MBNL1: variants seen among roughly 807,000 people sequenced by gnomAD.
MBNL1 encodes muscleblind-like protein 1.
In MBNL1, 8 loss-of-function variants were observed where a neutral mutation model predicts 42.2. The observed-to-expected ratio is 0.19, with a 90% confidence interval of 0.11 to 0.34. The LOEUF is 0.34. MBNL1 is among the 10% of genes least tolerant of loss of function. MBNL1 has a pLI of 1.00. For synonymous variants in MBNL1, 169 were observed against 173.9 expected, an observed-to-expected ratio of 0.97 and a Z score of 0.22; for missense variants, 309 against 495.3, an observed-to-expected ratio of 0.62 and a Z score of 3.57.
intron 3 of MBNL1, among the ~76,000 whole-genome samples, chr3:152,428,385 G>T (rs1440520599): frequency 6.6e-6 from 1 of 152,160 alleles, no homozygotes; most frequent in African/African-American, 2.4e-5. Flanking sequence ...ACTGGCAGTG[G>T]TATATGCTGA....
chr3:152,296,923 T>C (rs750861554), intron 1 of MBNL1, among the ~76,000 whole-genome samples: 4 of 152,196 alleles, frequency 2.6e-5, no homozygotes, highest in Non-Finnish European at 5.9e-5. Flanking sequence ...TAAAAACATA[T>C]GGTCTAGTGG....
chr3:152,288,233 C>T (rs896458998), intron 1 of MBNL1, among the ~76,000 whole-genome samples: 1 of 152,082 alleles, frequency 6.6e-6, no homozygotes, highest in African/African-American at 2.4e-5. Context: ...AAAGTGAGGG[C>T]GGAATGTTTT....
intron 3 of MBNL1, among the ~76,000 whole-genome samples, chr3:152,415,970 A>C (rs1170017120): frequency 6.6e-6 from 1 of 152,242 alleles, no homozygotes; most frequent in Non-Finnish European, 1.5e-5. Flanking sequence ...ATTTAAATTC[A>C]AATGCATGTT....
intron 4 of MBNL1, among the ~76,000 whole-genome samples, chr3:152,443,711 CTTTTTTTCTT>C (rs1474964274): frequency 3.9e-5 from 6 of 151,968 alleles, no homozygotes; most frequent in Non-Finnish European, 8.8e-5. Flanking sequence ...CTTGGTAATA[CTTTTTTTCTT>C]ATGTTCAATA....
chr3:152,412,976 A>G (rs1369213904), intron 2 of MBNL1, among the ~76,000 whole-genome samples: 4 of 152,124 alleles, frequency 2.6e-5, no homozygotes, highest in African/African-American at 9.7e-5. Context: ...GTTGCAGCCA[A>G]ATTATTCTTT....
chr3:152,392,366 G>A lies in MBNL1; in HGVS notation c.175-22575G>A, dbSNP rs1033033261. Among the ~76,000 whole-genome samples, 9 of 152,272 alleles carry A rather than the reference G, an allele frequency of 5.9e-5. No homozygotes were observed. The East Asian group carries it at 1.5e-3, about 26-fold the overall frequency. ...AACTAAAATTGATATTAAAACCATT[G>A]GAGTGGTGTTAATGGGAGACAGAGT... On this transcript the variant is annotated intron_variant, in intron 2 of 9. Coordinates refer to ENST00000324210, the MANE Select transcript of MBNL1 (RefSeq NM_021038.5).
intron 3 of MBNL1, among the ~76,000 whole-genome samples, chr3:152,424,944 G>A (rs1403636657): frequency 6.6e-6 from 1 of 152,106 alleles, no homozygotes; most frequent in Non-Finnish European, 1.5e-5. Context: ...TTAAATGTAA[G>A]ACCCAAAACC....
At chr3:152,275,373 A>G (rs993154320) in intron 1 of MBNL1, among the ~76,000 whole-genome samples, 4 of 152,192 alleles carry the variant, frequency 2.6e-5, no homozygotes, top group African/African-American at 7.2e-5. Flanking sequence ...CTGAAGAGAT[A>G]CACCACGAGT....
At chr3:152,457,246 G>A (rs1266736765) in intron 8 of MBNL1, among the ~76,000 whole-genome samples, 1 of 152,130 alleles carries the variant, frequency 6.6e-6, no homozygotes, top group African/African-American at 2.4e-5. Flanking sequence ...TTTCATTTAT[G>A]TAGATTTGGG....
chr3:152,360,244 A>G (rs1199207729), intron 2 of MBNL1, among the ~76,000 whole-genome samples: 1 of 152,170 alleles, frequency 6.6e-6, no homozygotes, highest in Non-Finnish European at 1.5e-5. Context: ...TAAATCTTTC[A>G]TATTTTAAAG....
intron 1 of MBNL1, among the ~76,000 whole-genome samples, chr3:152,292,838 G>A (rs577547214): frequency 8.6e-5 from 13 of 151,390 alleles, no homozygotes; most frequent in African/African-American, 3.2e-4. Context: ...GTGTGATCAT[G>A]GCTTACTGCA....
At chr3:152,294,417 G>A (rs1481705851) in intron 1 of MBNL1, among the ~76,000 whole-genome samples, 2 of 151,216 alleles carry the variant, frequency 1.3e-5, no homozygotes, top group African/African-American at 4.9e-5. Flanking sequence ...CCGAGTAGCT[G>A]GGGCTACAGG....
chr3:152,312,048 C>T (rs866384055), intron 2 of MBNL1, among the ~76,000 whole-genome samples: 11 of 151,692 alleles, frequency 7.3e-5, no homozygotes, highest in South Asian at 4.2e-4. Flanking sequence ...AAAAATTAGC[C>T]GGGCGTAGTG....
At chr3:152,432,954 C>T (rs1389337691) in intron 4 of MBNL1, 34 bp downstream of exon 4, 1 of 1,543,982 alleles carries the variant, frequency 6.5e-7, no homozygotes, top group Non-Finnish European at 8.9e-7. Context: ...TTATATACTA[C>T]ATTCTAATTC....
chr3:152,337,878 A>G (rs2091469334), intron 2 of MBNL1, among the ~76,000 whole-genome samples: 1 of 152,196 alleles, frequency 6.6e-6, no homozygotes, highest in South Asian at 2.1e-4. Flanking sequence ...TTAATTATTT[A>G]TCAATTTAAA....
At chr3:152,313,694 C>T (rs1395254421) in intron 2 of MBNL1, among the ~76,000 whole-genome samples, 1 of 152,136 alleles carries the variant, frequency 6.6e-6, no homozygotes, top group Non-Finnish European at 1.5e-5. Flanking sequence ...TGTCATTATG[C>T]ACATTGCACT....
intron 2 of MBNL1, among the ~76,000 whole-genome samples, chr3:152,358,022 CGTGT>C (rs1190691530): frequency 1.3e-5 from 2 of 151,826 alleles, no homozygotes; most frequent in Non-Finnish European, 2.9e-5. Context: ...CACGCACGTG[CGTGT>C]ATCTGTGTCT....
intron 2 of MBNL1, among the ~76,000 whole-genome samples, chr3:152,310,490 C>T (rs1033290478): frequency 3.3e-5 from 5 of 152,122 alleles, no homozygotes; most frequent in Admixed American, 1.3e-4. Flanking sequence ...ACAGTGACCT[C>T]GTATAGACAA....
At chr3:152,327,765 C>G (rs2081344236) in intron 2 of MBNL1, among the ~76,000 whole-genome samples, 1 of 151,484 alleles carries the variant, frequency 6.6e-6, no homozygotes, top group South Asian at 2.1e-4. Context: ...GTATCATATA[C>G]TATATTTTTT....
Sources: gnomAD v4.1 joint callset for allele counts (sites outside exome capture counted in the v4.1 genomes callset) on GRCh38, gnomAD v4.1.1 for gene constraint, MANE v1.5 for transcripts, NCBI Gene and HGNC (gene_info 2026-07-23, HGNC 2026-07-21) for gene names.